Variants in ISLR observed in about 807,000 individuals in gnomAD.
ISLR encodes the protein immunoglobulin superfamily containing leucine-rich repeat protein.
Under a neutral mutation model 11.0 loss-of-function variants are expected in ISLR, and 9 were observed. That is an observed-to-expected ratio of 0.82 (90% CI 0.49 to 1.43). ISLR has a LOEUF of 1.43. ISLR is among the 40% of genes most tolerant of loss of function. The probability of loss-of-function intolerance (pLI) is 0.00; values close to 1 mark genes in which losing one functional copy is unlikely to be tolerated. For synonymous variants in ISLR, 262 were observed against 264.1 expected (o/e 0.99, Z 0.08); for missense variants, 510 against 576.4 (o/e 0.88, Z 1.18).
In ISLR at chr15:74,175,680, C is replaced by T. The variant is rs147118260; in HGVS notation, c.822C>T (p.Pro274=). The change falls in exon 2 of 2, where the codon CCC becomes CCT. Residue 274 remains proline, a synonymous_variant. Transcript: ENST00000249842. This position sits in a 1 kb window ranked among gnomAD's most constrained non-coding sequence, Gnocchi z 4.7. ...APQLHWHIQI[P]SGIVEITSPN... ...AGCTTCACTGGCACATCCAGATACCCAGTGGCATTGTGGAGATCACCAGCC... is the reference window on the plus strand; with the variant it reads ...AGCTTCACTGGCACATCCAGATACCTAGTGGCATTGTGGAGATCACCAGCC... 780 of 1,614,132 alleles carry T rather than the reference C, an allele frequency of 4.8e-4. 2 individuals carry two copies. In the African/African-American group the frequency reaches 8.5e-3, roughly 18 times the overall value.
rs1485279871 is a variant in ISLR, at chr15:74,175,397, A to G, written c.539A>G (p.Asn180Ser). The G allele has an allele frequency of 7.4e-6, 12 of 1,611,596 alleles. No homozygotes were observed. Among genetic ancestry groups the G allele is most frequent in the Non-Finnish European group, 8.5e-6 (10 of 1,179,898 alleles). ...CTGTCCCACCTGCAGATCAACGAGAACCCCTTCGACTGCACCTGCGGCATC... is the reference window on the plus strand; with the variant it reads ...CTGTCCCACCTGCAGATCAACGAGAGCCCCTTCGACTGCACCTGCGGCATC... ...TALSHLQINE[N>S]PFDCTCGIVW... Residue 180 changes from asparagine (N) to serine (S), a missense_variant, in exon 2 of 2, where the codon AAC becomes AGC. Coordinates refer to ENST00000249842, the MANE Select transcript of ISLR (RefSeq NM_005545.4). This position sits in a 1 kb window ranked among gnomAD's most constrained non-coding sequence, Gnocchi z 4.7.
In ISLR at chr15:74,176,262, A is replaced by C; in HGVS notation, c.*117A>C. The C allele has an allele frequency of 1.3e-6, 1 of 756,532 alleles. No individual in the cohort carries two copies. Among genetic ancestry groups the C allele is most frequent in the East Asian group, 2.8e-5 (1 of 35,948 alleles). 46.9% of individuals were successfully genotyped at this position (756,532 alleles called of 1,614,324 possible). On this transcript the variant is annotated 3_prime_UTR_variant, in exon 2 of 2. Coordinates refer to ENST00000249842, the MANE Select transcript of ISLR (RefSeq NM_005545.4). ...TGCATGGGTGACTTCACATTTTCCTACCTCTCCTTCTAATCTCTTCTAGAG... is the reference window on the plus strand; with the variant it reads ...TGCATGGGTGACTTCACATTTTCCTCCCTCTCCTTCTAATCTCTTCTAGAG...
rs1038584957 is a variant in ISLR, at chr15:74,173,879, T to G, written c.-149T>G. ...ACAGGCCTGCACATCGAAGGTGGGG[T>G]GGGACCAGGCTGCCCCTCGCCCCAG... On this transcript the variant is annotated 5_prime_UTR_variant, in exon 1 of 2. Coordinates refer to ENST00000249842, the MANE Select transcript of ISLR (RefSeq NM_005545.4). The G allele has an allele frequency of 1.3e-5, 2 of 153,864 alleles. No individual in the cohort carries two copies. The highest frequency in any genetic ancestry group is 4.8e-5 in the African/African-American group (2 of 41,486). The allele number at this position is 153,864 out of a possible 1,614,324, so 9.5% of individuals were successfully genotyped here.
In ISLR at chr15:74,176,496, C is replaced by T. The variant is rs1286566793; in HGVS notation, c.*351C>T. The T allele has an allele frequency of 1.4e-5, 4 of 276,696 alleles. No homozygotes were observed. Among genetic ancestry groups the T allele is most frequent in the Non-Finnish European group, 2.9e-5 (4 of 137,846 alleles). The allele number at this position is 276,696 out of a possible 1,614,324, so 17.1% of individuals were successfully genotyped here. ...CCAGGCACTGTGACTGTCAAGCTGG[C>T]AAGGGCCAGGATTGGGGGAATGGAG... On this transcript the variant is annotated 3_prime_UTR_variant, in exon 2 of 2. Coordinates refer to ENST00000249842, the MANE Select transcript of ISLR (RefSeq NM_005545.4).
chr15:74,175,946 C>A lies in ISLR; in HGVS notation c.1088C>A (p.Ala363Glu), dbSNP rs748843650. The change falls in exon 2 of 2, where the codon GCG (alanine) becomes GAG (glutamate). Residue 363 changes from alanine to glutamate, a missense_variant. Ala to Glu is a moderately radical substitution (Grantham distance 107). Transcript: ENST00000249842. The surrounding 1 kb of genome is among the most constrained non-coding windows in gnomAD (Gnocchi z 4.7). ...CTGGGGCGCAGGTTCCATGGCAAAG[C>A]GGTTGAGGGAAAGGGCTGCTATACG... ...DTLGRRFHGK[A>E]VEGKGCYTVD... is the part of the protein sequence containing the mutation. 21 of 1,609,988 alleles carry A rather than the reference C, an allele frequency of 1.3e-5. No individual in the cohort carries two copies. The Middle Eastern group carries it at 8.2e-4, about 63-fold the overall frequency.
rs527483472 is a variant in ISLR, at chr15:74,175,657, C to T, written c.799C>T (p.Leu267Phe). ...TGTGGACGGGCAGCCGGCCCCTCAG[C>T]TTCACTGGCACATCCAGATACCCAG... The part of the protein sequence containing the change: ...CDVDGQPAPQ[L>F]HWHIQIPSGI... The change falls in exon 2 of 2, where the codon CTT (leucine) becomes TTT (phenylalanine). Residue 267 changes from leucine (L) to phenylalanine (F), a missense_variant. Coordinates refer to ENST00000249842, the MANE Select transcript of ISLR (RefSeq NM_005545.4). The surrounding 1 kb of genome is among the most constrained non-coding windows in gnomAD (Gnocchi z 4.7). 6.2e-7 allele frequency: 1 copy of T among 1,614,140 alleles called. No individual in the cohort carries two copies. The highest frequency in any genetic ancestry group is 1.3e-5 in the African/African-American group (1 of 75,074).
Position 74,173,810 on chromosome 15 carries a change from T to C in ISLR, c.-218T>C, listed in dbSNP as rs74023444. On this transcript the variant is annotated 5_prime_UTR_variant, in exon 1 of 2. Transcript: ENST00000249842. ...CCCCGGGCTCCTCCCTGCCGCCTCC[T>C]CTCAGTGGATGGTTCCAGGCACCCT... 4,902 of 154,494 alleles carry C rather than the reference T, an allele frequency of 0.032. 296 individuals are homozygous for C. Among genetic ancestry groups the C allele is most frequent in the African/African-American group, 0.11 (4,654 of 41,612 alleles). 9.6% of individuals were successfully genotyped at this position (154,494 alleles called of 1,614,324 possible). A position where few individuals can be genotyped will look rare whatever the true frequency, so the allele number is the denominator to read the frequency against.
In ISLR at chr15:74,174,904, G is replaced by T. The variant is rs1189153678; in HGVS notation, c.46G>T (p.Ala16Ser). 6.4e-7 allele frequency: 1 copy of T among 1,561,384 alleles called. No homozygotes were observed. The highest frequency in any genetic ancestry group is 2.0e-5 in the Admixed American group (1 of 49,828). Reference protein sequence around the residue: ...LLWWALLLGLAQACPEPCDCG... With the variant: ...LLWWALLLGLSQACPEPCDCG... The stretch of plus-strand genomic sequence containing the variant: ...CTGGTGGGCGCTTCTCCTGGGCCTG[G>T]CTCAGGCCTGCCCTGAGCCCTGCGA... The change falls in exon 2 of 2, where the codon GCT (alanine) becomes TCT (serine). Residue 16 changes from alanine to serine, a missense_variant. Ala to Ser is a moderately conservative substitution (Grantham distance 99). Coordinates refer to ENST00000249842, the MANE Select transcript of ISLR (RefSeq NM_005545.4).
chr15:74,174,402 T>G (rs2072768349), intron 1 of ISLR: 1 of 157,910 alleles, frequency 6.3e-6, no homozygotes, highest in Non-Finnish European at 1.3e-5. Flanking sequence ...TGGTGTGCAC[T>G]GCACAAGGGG....
In ISLR at chr15:74,175,286, G is replaced by A. The variant is rs781227156; in HGVS notation, c.428G>A (p.Arg143His). 1.4e-5 allele frequency: 23 copies of A among 1,612,052 alleles called. No individual in the cohort carries two copies. Among genetic ancestry groups the A allele is most frequent in the Middle Eastern group, 1.6e-4 (1 of 6,084 alleles). Residue 143 changes from arginine (R) to histidine (H), a missense_variant, in exon 2 of 2, where the codon CGC (arginine) becomes CAC (histidine). By Grantham distance (29) the Arg-to-His change is conservative. Coordinates refer to ENST00000249842, the MANE Select transcript of ISLR (RefSeq NM_005545.4). This position sits in a 1 kb window ranked among gnomAD's most constrained non-coding sequence, Gnocchi z 4.7. Reference sequence around the variant, plus strand: ...ACCTTCATCCCCCGCGACGCCTTCCGCAGCCTCCGTGCTCTGCGCTCGCTG... The same window carrying A: ...ACCTTCATCCCCCGCGACGCCTTCCACAGCCTCCGTGCTCTGCGCTCGCTG... ...ELTFIPRDAFRSLRALRSLQL... is the reference protein window; with the variant it reads ...ELTFIPRDAFHSLRALRSLQL...
rs560419352 is a variant in ISLR, at chr15:74,175,338, A to T, written c.480A>T (p.Thr160=). 6.2e-7 allele frequency: 1 copy of T among 1,610,980 alleles called. No homozygotes were observed. Among genetic ancestry groups the T allele is most frequent in the Admixed American group, 1.7e-5 (1 of 60,004 alleles). Residue 160 remains threonine, a synonymous_variant, in exon 2 of 2, where the codon ACA becomes ACT. Transcript: ENST00000249842. This position sits in a 1 kb window ranked among gnomAD's most constrained non-coding sequence, Gnocchi z 4.7. ...SLQLNHNRLH[T]LAEGTFTPLT... is the part of the protein sequence containing the mutation. ...AACTCAACCACAACCGCTTGCACACATTGGCCGAGGGCACCTTCACCCCGC... is the reference window on the plus strand; with the variant it reads ...AACTCAACCACAACCGCTTGCACACTTTGGCCGAGGGCACCTTCACCCCGC...
At position 74,174,966 on chromosome 15, in the gene ISLR, T is replaced by C; in HGVS notation, c.108T>C (p.Cys36=). The change falls in exon 2 of 2, where the codon TGT becomes TGC. Residue 36 remains cysteine (C), a synonymous_variant. Coordinates refer to ENST00000249842, the MANE Select transcript of ISLR (RefSeq NM_005545.4). Reference sequence around the variant, plus strand: ...AGTATGGCTTCCAGATCGCCGACTGTGCCTACCGCGACCTAGAATCCGTGC... The same window carrying C: ...AGTATGGCTTCCAGATCGCCGACTGCGCCTACCGCGACCTAGAATCCGTGC... ...GEKYGFQIAD[C]AYRDLESVPP... The C allele has an allele frequency of 6.2e-7, 1 of 1,613,120 alleles. No homozygotes were observed.
At chr15:74,174,519 G>A (rs896284536) in intron 1 of ISLR, 2 of 238,592 alleles carry the variant, frequency 8.4e-6, no homozygotes, top group East Asian at 8.6e-5. Context: ...CTGGGGGAGG[G>A]GGGTGGCTGG....
At position 74,175,197 on chromosome 15, in the gene ISLR, T is replaced by C. The variant is rs753454968; in HGVS notation, c.339T>C (p.Phe113=). ...TCAGCCACAATCTCATCTCTGACTT[T>C]GCCTGGAGCGACCTGCACAACCTCA... ...LDLSHNLISD[F]AWSDLHNLSA... is the part of the protein sequence containing the mutation. Residue 113 remains phenylalanine (F), a synonymous_variant, in exon 2 of 2, where the codon TTT becomes TTC. Transcript: ENST00000249842. The surrounding 1 kb of genome is among the most constrained non-coding windows in gnomAD (Gnocchi z 4.7). 5 of 1,613,392 alleles carry C rather than the reference T, an allele frequency of 3.1e-6. No homozygotes were observed. The South Asian group carries it at 5.5e-5, about 18-fold the overall frequency.
In ISLR at chr15:74,175,897, C is replaced by A; in HGVS notation, c.1039C>A (p.Pro347Thr). 1 of 1,613,558 alleles carries A rather than the reference C, an allele frequency of 6.2e-7. No individual in the cohort carries two copies. The highest frequency in any genetic ancestry group is 1.1e-5 in the South Asian group (1 of 91,020). ...ESSVDVALAT[P>T]GEGGEDTLGR... is the part of the protein sequence containing the mutation. ...CTCAGTGGACGTGGCACTGGCCACG[C>A]CCGGTGAGGGTGGTGAGGACACACT... Residue 347 changes from proline to threonine, a missense_variant, in exon 2 of 2, where the codon CCC (proline) becomes ACC (threonine). Pro to Thr is a conservative substitution (Grantham distance 38, BLOSUM62 -1). Transcript: ENST00000249842. This position sits in a 1 kb window ranked among gnomAD's most constrained non-coding sequence, Gnocchi z 4.7.
Position 74,176,084 on chromosome 15 carries a change from C to T in ISLR, c.1226C>T (p.Pro409Leu). Residue 409 changes from proline to leucine, a missense_variant, in exon 2 of 2, where the codon CCC (proline) becomes CTC (leucine). Transcript: ENST00000249842. ...AVAEGVPGQL[P>L]PGLLLLGQSL... ...GCAGAAGGGGTCCCTGGGCAGCTGC[C>T]CCCAGGCCTGCTCCTGCTGGGCCAA... is the stretch of plus-strand genomic sequence containing the variant. 2 of 1,600,682 alleles carry T rather than the reference C, an allele frequency of 1.2e-6. No individual in the cohort carries two copies. The highest frequency in any genetic ancestry group is 1.7e-6 in the Non-Finnish European group (2 of 1,173,140).
chr15:74,175,718 C>A lies in ISLR; in HGVS notation c.860C>A (p.Thr287Asn). 6.2e-7 allele frequency: 1 copy of A among 1,614,034 alleles called. No individual in the cohort carries two copies. The highest frequency in any genetic ancestry group is 8.5e-7 in the Non-Finnish European group (1 of 1,179,964). ...IVEITSPNVG[T>N]DGRALPGTPV... ...GAGATCACCAGCCCCAACGTGGGCACTGATGGGCGTGCCCTGCCTGGCACC... is the reference window on the plus strand; with the variant it reads ...GAGATCACCAGCCCCAACGTGGGCAATGATGGGCGTGCCCTGCCTGGCACC... The change falls in exon 2 of 2, where the codon ACT (threonine) becomes AAT (asparagine). Residue 287 changes from threonine (T) to asparagine (N), a missense_variant. Coordinates refer to ENST00000249842, the MANE Select transcript of ISLR (RefSeq NM_005545.4). This position sits in a 1 kb window ranked among gnomAD's most constrained non-coding sequence, Gnocchi z 4.7.
intron 1 of ISLR, chr15:74,174,570 G>A (rs2072769828): frequency 5.4e-6 from 2 of 369,232 alleles, no homozygotes; most frequent in South Asian, 9.3e-5. Flanking sequence ...GGAACAGGCC[G>A]AGGCAGGGAG....
rs752081792 is a variant in ISLR, at chr15:74,175,148, T to A, written c.290T>A (p.Leu97Gln). The A allele has an allele frequency of 6.2e-7, 1 of 1,611,846 alleles. No individual in the cohort carries two copies. Among genetic ancestry groups the A allele is most frequent in the Admixed American group, 1.7e-5 (1 of 60,016 alleles). Residue 97 changes from leucine (L) to glutamine (Q), a missense_variant, in exon 2 of 2, where the codon CTG becomes CAG. Leu to Gln is a moderately radical substitution (Grantham distance 113, BLOSUM62 -2). Coordinates refer to ENST00000249842, the MANE Select transcript of ISLR (RefSeq NM_005545.4). The surrounding 1 kb of genome is among the most constrained non-coding windows in gnomAD (Gnocchi z 4.7). ...GTGGCCGCCGGAGCCCTGGCCTCTC[T>A]GAGCCATCTCAAGAGCCTGGACCTC... ...RTVAAGALASLSHLKSLDLSH... is the reference protein window; with the variant it reads ...RTVAAGALASQSHLKSLDLSH...
Sources: gnomAD v4.1 joint callset for allele counts on GRCh38, gnomAD v4.1.1 for gene constraint, Gnocchi (gnomAD v3.1) non-coding constraint, MANE v1.5 for transcripts, NCBI Gene and HGNC (gene_info 2026-07-23, HGNC 2026-07-21) for gene names.